The following SEMA5B variants were observed in gnomAD, a reference collection of about 807,000 sequenced individuals.
The protein encoded by SEMA5B is semaphorin-5B.
In SEMA5B, 66 loss-of-function variants were observed where a neutral mutation model predicts 135.0. The ratio of observed to expected loss-of-function variants is 0.49; its 90% confidence interval spans 0.40 to 0.60. The LOEUF is 0.60. Ranked by LOEUF, SEMA5B falls within the 20% of genes least tolerant of loss-of-function variation. The probability of loss-of-function intolerance (pLI) is 0.00; values close to 1 mark genes in which losing one functional copy is unlikely to be tolerated. For missense variants in SEMA5B, 1,501 were observed against 1,566.3 expected, an observed-to-expected ratio of 0.96 and a Z score of 0.70; for synonymous variants, 690 against 639.5, an observed-to-expected ratio of 1.08 and a Z score of -1.19.
intron 5 of SEMA5B, 92 bp from the exon 6 acceptor site, chr3:122,929,150 G>A: frequency 2.4e-6 from 3 of 1,272,526 alleles, no homozygotes; most frequent in South Asian, 2.5e-5. Flanking sequence ...AGTGTCGGGA[G>A]TGGACATGAA....
chr3:123,014,877 G>A (rs1167336998), intron 1 of SEMA5B, among the ~76,000 whole-genome samples: 1 of 152,166 alleles, frequency 6.6e-6, no homozygotes, highest in East Asian at 1.9e-4. Flanking sequence ...TCAGATTATT[G>A]CCTTATTTGG....
chr3:122,932,480 G>A (rs1055677873), intron 5 of SEMA5B, among the ~76,000 whole-genome samples: 4 of 151,954 alleles, frequency 2.6e-5, no homozygotes, highest in Admixed American at 2.6e-4. Context: ...GTAGACAAAG[G>A]CCCAACTAAA....
intron 1 of SEMA5B, among the ~76,000 whole-genome samples, chr3:122,990,860 T>G (rs1451328140): frequency 6.6e-6 from 1 of 152,208 alleles, no homozygotes; most frequent in Non-Finnish European, 1.5e-5. Context: ...TCATTATTGG[T>G]GCAGAACATG....
intron 4 of SEMA5B, 96 bp from the exon 5 acceptor site, chr3:122,939,566 C>G (rs1481825855): frequency 3.3e-6 from 3 of 908,012 alleles, no homozygotes; most frequent in Middle Eastern, 2.2e-4. Context: ...GACGCCAGGA[C>G]TGGGTGCTGA....
chr3:122,964,864 T>C (rs1486650600), intron 1 of SEMA5B, among the ~76,000 whole-genome samples: 1 of 152,192 alleles, frequency 6.6e-6, no homozygotes, highest in Non-Finnish European at 1.5e-5. Flanking sequence ...GTTAAACATC[T>C]GGTGTTTAAT....
chr3:122,986,910 G>C (rs757407693), intron 1 of SEMA5B, among the ~76,000 whole-genome samples: 2 of 152,196 alleles, frequency 1.3e-5, no homozygotes, highest in African/African-American at 2.4e-5. Flanking sequence ...GGGCCCGGCC[G>C]TGAGCTAGCA....
At chr3:122,972,809 C>T (rs577281026) in intron 1 of SEMA5B, among the ~76,000 whole-genome samples, 147 of 152,320 alleles carry the variant, frequency 9.7e-4, no homozygotes, top group Non-Finnish European at 1.3e-3. Flanking sequence ...GTCATGGCTC[C>T]CATTTAACTG....
Position 123,015,964 on chromosome 3 carries a change from T to C in SEMA5B, c.-39+11500A>G, listed in dbSNP as rs1942545017. Reference sequence around the variant, plus strand: ...CATCTATGGCTTCGGCAGATTAAACTGTGTGCTGACACAGGGACTCATAGG... The same window carrying C: ...CATCTATGGCTTCGGCAGATTAAACCGTGTGCTGACACAGGGACTCATAGG... On this transcript the variant is annotated intron_variant, in intron 1 of 22. Transcript: ENST00000357599. Among the ~76,000 whole-genome samples, 4 of 152,228 alleles carry C rather than the reference T, an allele frequency of 2.6e-5. No homozygotes were observed. In the South Asian group the frequency reaches 8.3e-4, roughly 32 times the overall value.
chr3:122,998,443 G>A (rs1942081352), intron 1 of SEMA5B, among the ~76,000 whole-genome samples: 1 of 152,172 alleles, frequency 6.6e-6, no homozygotes, highest in African/African-American at 2.4e-5. Flanking sequence ...TCTGTTAAAT[G>A]GGGAAGATAA....
intron 1 of SEMA5B, among the ~76,000 whole-genome samples, chr3:122,970,709 T>C (rs568880955): frequency 3.3e-5 from 5 of 152,338 alleles, no homozygotes; most frequent in African/African-American, 1.2e-4. Flanking sequence ...GTAGGTATTA[T>C]TGCCCCTACT....
intron 1 of SEMA5B, among the ~76,000 whole-genome samples, chr3:123,018,852 G>T (rs1942617062): frequency 6.6e-6 from 1 of 152,186 alleles, no homozygotes; most frequent in African/African-American, 2.4e-5. Context: ...ACTGGCTGGA[G>T]AAGCTGTAAT....
chr3:122,954,055 T>C (rs1940173642), intron 2 of SEMA5B, among the ~76,000 whole-genome samples: 1 of 152,200 alleles, frequency 6.6e-6, no homozygotes, highest in Non-Finnish European at 1.5e-5. Context: ...TTCTTCTGTT[T>C]TTTGTTTGTT....
chr3:123,001,896 A>G (rs1942185006), intron 1 of SEMA5B, among the ~76,000 whole-genome samples: 1 of 152,234 alleles, frequency 6.6e-6, no homozygotes, highest in South Asian at 2.1e-4. Flanking sequence ...TCATTCCTCC[A>G]AAAGCAATGT....
chr3:122,915,336 G>T (rs1224517844), intron 14 of SEMA5B, 104 bp downstream of exon 14: 13 of 1,153,646 alleles, frequency 1.1e-5, no homozygotes, highest in South Asian at 1.5e-5. Context: ...CCCTGAAGTG[G>T]TTTCTGTCCC....
At chr3:122,962,475 C>A (rs957561800) in intron 1 of SEMA5B, among the ~76,000 whole-genome samples, 3 of 152,100 alleles carry the variant, frequency 2.0e-5, no homozygotes, top group African/African-American at 7.2e-5. Context: ...GGGTCTGTCC[C>A]GTGAGAAAGA....
chr3:122,979,080 G>A (rs1941435732), intron 1 of SEMA5B, among the ~76,000 whole-genome samples: 1 of 152,170 alleles, frequency 6.6e-6, no homozygotes, highest in South Asian at 2.1e-4. Context: ...ACAAAGCACT[G>A]GGGCTCTGCA....
chr3:122,925,463 T>C (rs1427009196), intron 9 of SEMA5B, among the ~76,000 whole-genome samples: 3 of 151,872 alleles, frequency 2.0e-5, no homozygotes, highest in African/African-American at 7.3e-5. Context: ...GGTCAGGAGA[T>C]TGAGACCATC....
chr3:122,950,877 A>G (rs1940016378), intron 2 of SEMA5B, among the ~76,000 whole-genome samples: 1 of 152,280 alleles, frequency 6.6e-6, no homozygotes, highest in Non-Finnish European at 1.5e-5. Context: ...CCTAGGGTGT[A>G]TCTTCACAAT....
At chr3:122,939,585 G>T in intron 4 of SEMA5B, 115 bp from the exon 5 acceptor site, 1 of 762,662 alleles carries the variant, frequency 1.3e-6, no homozygotes, top group South Asian at 1.5e-5. Context: ...GATTGCCTAG[G>T]GTCAACCCCT....
Sources: gnomAD v4.1 joint callset for allele counts (sites outside exome capture counted in the v4.1 genomes callset) on GRCh38, gnomAD v4.1.1 for gene constraint, MANE v1.5 for transcripts, NCBI Gene and HGNC (gene_info 2026-07-23, HGNC 2026-07-21) for gene names.